Variants in CPA6 observed in about 807,000 individuals in gnomAD.
The protein encoded by CPA6 is carboxypeptidase B.
A neutral mutation model predicts 63.3 loss-of-function variants in CPA6; 58 were observed. The observed-to-expected ratio is 0.92, with a 90% CI of 0.74 to 1.14. CPA6 has a LOEUF of 1.14. Ranked by LOEUF, CPA6 falls within the 50% of genes most tolerant of loss-of-function variation. The pLI is 0.00. For synonymous variants in CPA6, 185 were observed against 179.0 expected, an observed-to-expected ratio of 1.03 and a Z score of -0.27; for missense variants, 565 against 526.6, an observed-to-expected ratio of 1.07 and a Z score of -0.71.
At chr8:67,497,191 A>G (rs1162653973) in intron 6 of CPA6, among the ~76,000 whole-genome samples, 1 of 152,216 alleles carries the variant, frequency 6.6e-6, no homozygotes. Context: ...CTGTACAATC[A>G]TCATCATTAT....
chr8:67,697,180 C>G (rs1053918600), intron 1 of CPA6, among the ~76,000 whole-genome samples: 1 of 152,156 alleles, frequency 6.6e-6, no homozygotes, highest in Admixed American at 6.5e-5. Flanking sequence ...ATGGGGGACC[C>G]TGGGAACACC....
chr8:67,632,830 G>A (rs979840221), intron 1 of CPA6, among the ~76,000 whole-genome samples: 2 of 152,172 alleles, frequency 1.3e-5, no homozygotes, highest in Non-Finnish European at 2.9e-5. Context: ...AGACTTCGTT[G>A]CATTGGTATT....
At chr8:67,607,228 CTTCTTCTTCTTCTTCTTCTT>C (rs1814681880) in intron 2 of CPA6, among the ~76,000 whole-genome samples, 1 of 116,108 alleles carries the variant, frequency 8.6e-6, no homozygotes, top group Non-Finnish European at 1.7e-5. Context: ...TCTTCTTCTT[CTTCTTCTTCTTCTTCTTCTT>C]CTTCTCCTCC....
intron 8 of CPA6, among the ~76,000 whole-genome samples, chr8:67,448,146 G>C (rs960142184): frequency 3.9e-5 from 6 of 152,104 alleles, no homozygotes; most frequent in African/African-American, 1.4e-4. Context: ...TCTTTGAATT[G>C]CTTAATCATG....
intron 2 of CPA6, among the ~76,000 whole-genome samples, chr8:67,524,499 A>G (rs1424616098): frequency 1.3e-5 from 2 of 152,156 alleles, no homozygotes; most frequent in East Asian, 3.9e-4. Flanking sequence ...ATGTGGCCAC[A>G]TCACTCCAGT....
intron 2 of CPA6, among the ~76,000 whole-genome samples, chr8:67,562,191 C>T (rs564371697): frequency 1.3e-5 from 2 of 152,212 alleles, no homozygotes; most frequent in South Asian, 4.2e-4. Flanking sequence ...GCTTTAAGTC[C>T]AATTTTCCCC....
At chr8:67,556,028 CAG>C (rs778141462) in intron 2 of CPA6, among the ~76,000 whole-genome samples, 1 of 152,172 alleles carries the variant, frequency 6.6e-6, no homozygotes, top group Non-Finnish European at 1.5e-5. Context: ...ATGTTCTAAA[CAG>C]AGGCTGTTCC....
At chr8:67,587,005 G>A (rs186166774) in intron 2 of CPA6, among the ~76,000 whole-genome samples, 1 of 152,330 alleles carries the variant, frequency 6.6e-6, no homozygotes, top group East Asian at 1.9e-4. Flanking sequence ...ATATGTACTG[G>A]AGATTGAAAC....
intron 8 of CPA6, among the ~76,000 whole-genome samples, chr8:67,448,664 G>GAAAAAAAAAAAAAAAAAAA (rs1810487222): frequency 1.5e-5 from 1 of 66,468 alleles, no homozygotes; most frequent in African/African-American, 8.4e-5. Flanking sequence ...AGGAAAGAAC[G>GAAAAAAAAAAAAAAAAAAA]AAAAAGAAAA....
intron 8 of CPA6, among the ~76,000 whole-genome samples, chr8:67,442,546 A>C (rs1192202798): frequency 6.6e-6 from 1 of 152,226 alleles, no homozygotes; most frequent in East Asian, 1.9e-4. Context: ...GAACAATATC[A>C]ACAAAAGTAT....
chr8:67,677,325 C>T (rs1391692064), intron 1 of CPA6, among the ~76,000 whole-genome samples: 1 of 145,910 alleles, frequency 6.9e-6, no homozygotes, highest in Non-Finnish European at 1.5e-5. Context: ...TCTCTTTATT[C>T]ATTTTCAAAA....
At chr8:67,481,161 A>G (rs1181082903) in intron 8 of CPA6, among the ~76,000 whole-genome samples, 1 of 152,212 alleles carries the variant, frequency 6.6e-6, no homozygotes, top group Admixed American at 6.5e-5. Context: ...CAGAAGTTAA[A>G]GATTAAGTAT....
chr8:67,631,309 T>C (rs1815323647), intron 1 of CPA6, among the ~76,000 whole-genome samples: 1 of 152,206 alleles, frequency 6.6e-6, no homozygotes, highest in Non-Finnish European at 1.5e-5. Context: ...GCTAATCTGG[T>C]GGGGACTTGG....
chr8:67,566,088 G>T (rs770297815), intron 2 of CPA6, among the ~76,000 whole-genome samples: 2 of 152,108 alleles, frequency 1.3e-5, no homozygotes, highest in Non-Finnish European at 2.9e-5. Flanking sequence ...CTCACCTCTG[G>T]ATAAATAGCT....
At chr8:67,693,520 C>T (rs140741677) in intron 1 of CPA6, among the ~76,000 whole-genome samples, 2 of 152,282 alleles carry the variant, frequency 1.3e-5, no homozygotes, top group East Asian at 3.9e-4. Context: ...ATGCTAAAAT[C>T]CTAACTCCCA....
At chr8:67,733,994 C>T (rs961798331) in intron 1 of CPA6, among the ~76,000 whole-genome samples, 1 of 151,580 alleles carries the variant, frequency 6.6e-6, no homozygotes, top group African/African-American at 2.4e-5. Flanking sequence ...CCTGCCTTGG[C>T]GTCCCTAGTA....
intron 2 of CPA6, among the ~76,000 whole-genome samples, chr8:67,558,599 C>T (rs980924070): frequency 1.3e-5 from 2 of 152,176 alleles, no homozygotes; most frequent in African/African-American, 4.8e-5. Context: ...AAGTGGGCAA[C>T]AGTTTTCATT....
intron 1 of CPA6, among the ~76,000 whole-genome samples, chr8:67,739,773 C>T (rs558396952): frequency 3.3e-5 from 5 of 152,140 alleles, no homozygotes; most frequent in Admixed American, 2.0e-4. Context: ...TTGATGTAGT[C>T]GACAACAGGG....
chr8:67,423,183 C>T (rs561095625), intron 10 of CPA6, among the ~76,000 whole-genome samples: 2 of 152,274 alleles, frequency 1.3e-5, no homozygotes, highest in South Asian at 4.1e-4. Context: ...CTCCTGGGTT[C>T]AAGTGATTCT....
Sources: gnomAD v4.1 joint callset for allele counts (sites outside exome capture counted in the v4.1 genomes callset) on GRCh38, gnomAD v4.1.1 for gene constraint, MANE v1.5 for transcripts, NCBI Gene and HGNC (gene_info 2026-07-23, HGNC 2026-07-21) for gene names.